The following MDN1 variants were observed in gnomAD, a reference collection of about 807,000 sequenced individuals.
MDN1 encodes the protein midasin.
Under a neutral mutation model 669.2 loss-of-function variants are expected in MDN1, and 266 were observed. The observed-to-expected ratio is 0.40, with a 90% confidence interval of 0.36 to 0.44. The LOEUF is 0.44. Ranked by LOEUF, MDN1 falls within the 20% of genes least tolerant of loss-of-function variation. The pLI is 1.00. For missense variants in MDN1, 5,940 were observed against 6,754.0 expected, an observed-to-expected ratio of 0.88 and a Z score of 4.22; for synonymous variants, 2,385 against 2,457.1, an observed-to-expected ratio of 0.97 and a Z score of 0.87.
At chr6:89,734,675 A>G (rs1011908724) in intron 33 of MDN1, among the ~76,000 whole-genome samples, 7 of 108,604 alleles carry the variant, frequency 6.4e-5, no homozygotes, top group African/African-American at 1.4e-4. Flanking sequence ...AAGAAGAAAA[A>G]AAAAAAAAAA....
In MDN1 at chr6:89,714,381, C is replaced by T. The variant is rs533643741; in HGVS notation, c.7069+162G>A. On this transcript the variant is annotated intron_variant, in intron 46 of 101. Transcript: ENST00000369393. ...CTGTGCCTTGCCCTGCCCTGCTGAA[C>T]CCAATCTCTTGGGGTGTCTGGAAAT... Among the ~76,000 whole-genome samples the T allele has an allele frequency of 2.0e-5, 3 of 152,340 alleles. No homozygotes were observed. In the East Asian group the frequency reaches 5.8e-4, roughly 29 times the overall value.
intron 2 of MDN1, among the ~76,000 whole-genome samples, chr6:89,802,125 T>C (rs1767705710): frequency 6.6e-6 from 1 of 152,200 alleles, no homozygotes. Context: ...AGAACTTTGA[T>C]ACCTAACTGA....
chr6:89,675,325 C>T, intron 78 of MDN1, 139 bp downstream of exon 78: 1 of 687,108 alleles, frequency 1.5e-6, no homozygotes, highest in Middle Eastern at 2.4e-4. Flanking sequence ...GGGAGAAACC[C>T]TACCTGCCTC....
chr6:89,647,966 T>C (rs1442892512), intron 99 of MDN1, 66 bp downstream of exon 99: 2 of 1,221,974 alleles, frequency 1.6e-6, no homozygotes, highest in African/African-American at 3.0e-5. Context: ...AATAAAAATG[T>C]TCTCCCTCCA....
In MDN1 at chr6:89,725,342, G is replaced by A. The variant is rs1165264509; in HGVS notation, c.5527C>T (p.Arg1843Ter). The change falls in exon 38 of 102, where the codon CGA becomes TGA. Residue 1843 changes from arginine (R) to a stop codon, truncating the protein, a stop_gained. Transcript: ENST00000369393. LOFTEE classifies it high-confidence loss of function. ...AACTCAGGCACATAGATTTCTCCTC[G>A]GTGGTCAAAACAAGCATTGAGTCCT... is the stretch of plus-strand genomic sequence containing the variant. ...LEGLNACFDHRGEIYVPELGM... is the reference protein window; with the variant it reads ...LEGLNACFDH The A allele has an allele frequency of 3.7e-6, 6 of 1,613,756 alleles. No homozygotes were observed. The highest frequency in any genetic ancestry group is 3.4e-6 in the Non-Finnish European group (4 of 1,179,936).
intron 75 of MDN1, among the ~76,000 whole-genome samples, chr6:89,678,187 G>A (rs943814785): frequency 6.6e-6 from 1 of 152,038 alleles, no homozygotes; most frequent in African/African-American, 2.4e-5. Flanking sequence ...CAGGAGAATC[G>A]CTTGAACCCA....
chr6:89,736,742 C>G (rs1472220640), intron 33 of MDN1, among the ~76,000 whole-genome samples: 1 of 152,182 alleles, frequency 6.6e-6, no homozygotes, highest in African/African-American at 2.4e-5. Context: ...CGCTGTGAGC[C>G]GTGATTCCAC....
intron 1 of MDN1, among the ~76,000 whole-genome samples, chr6:89,816,084 T>C (rs1768805522): frequency 6.6e-6 from 1 of 152,198 alleles, no homozygotes; most frequent in Non-Finnish European, 1.5e-5. Context: ...AAAGACTAGA[T>C]AACACTGCTT....
chr6:89,693,588 C>T (rs1461051273), intron 62 of MDN1, among the ~76,000 whole-genome samples: 1 of 151,988 alleles, frequency 6.6e-6, no homozygotes. Context: ...GACTGCCAGA[C>T]AATATGACAC....
rs1809340279 is a variant in MDN1, at chr6:89,656,821, A to G, written c.15184-20T>C. On this transcript the variant is annotated intron_variant, in intron 90 of 101. Coordinates refer to ENST00000369393, the MANE Select transcript of MDN1 (RefSeq NM_014611.3). ...GTGTTCCTAGGAAATCCAAGCCACA[A>G]AAGAATGAGGTGAAAGAAGCTATTA... is the stretch of plus-strand genomic sequence containing the variant. 6.2e-7 allele frequency: 1 copy of G among 1,601,720 alleles called. No individual in the cohort carries two copies. The highest frequency in any genetic ancestry group is 1.1e-5 in the South Asian group (1 of 90,278).
At position 89,690,216 on chromosome 6, in the gene MDN1, G is replaced by A; in HGVS notation, c.10750-73C>T. On this transcript the variant is annotated intron_variant, in intron 64 of 101. Transcript: ENST00000369393. ...TTCTAATCAGACTAAAAGGAAGAAAGAAAAAAGCATAAGAATGACTGAAAA... is the reference window on the plus strand; with the variant it reads ...TTCTAATCAGACTAAAAGGAAGAAAAAAAAAAGCATAAGAATGACTGAAAA... The A allele has an allele frequency of 1.5e-5, 22 of 1,471,966 alleles. No individual in the cohort carries two copies. The Admixed American group carries it at 2.3e-4, about 15-fold the overall frequency. The allele number at this position is 1,471,966 out of a possible 1,614,324, so 91.2% of individuals were successfully genotyped here.
rs58439361 is a variant in MDN1, at chr6:89,809,784, T to TAAATAAAATAAAATAAAATAAAATA, written c.103-6255_103-6231dup. Among the ~76,000 whole-genome samples, 481 of 112,584 alleles carry TAAATAAAATAAAATAAAATAAAATA rather than the reference T, an allele frequency of 4.3e-3. 13 individuals carry two copies. The highest frequency in any genetic ancestry group is 0.015 in the East Asian group (55 of 3,734). 73.9% of individuals were successfully genotyped at this position (112,584 alleles called of 152,430 possible). A position where few individuals can be genotyped will look rare whatever the true frequency, so the allele number is the denominator to read the frequency against. ...GAGCAAGACTCCCTCTCAAAATAAA[T>TAAATAAAATAAAATAAAATAAAATA]AAATAAAATAAAATAAAATAAAATA... On this transcript the variant is annotated intron_variant, in intron 1 of 101. Transcript: ENST00000369393.
rs577694113 is a variant in MDN1, at chr6:89,771,150, T to C, written c.2144+411A>G. Among the ~76,000 whole-genome samples, 28 of 152,250 alleles carry C rather than the reference T, an allele frequency of 1.8e-4. No homozygotes were observed. The South Asian group carries it at 5.6e-3, about 30-fold the overall frequency. On this transcript the variant is annotated intron_variant, in intron 15 of 101. Coordinates refer to ENST00000369393, the MANE Select transcript of MDN1 (RefSeq NM_014611.3). ...CACCTTAAATCTTACTCAAGGGAGT[T>C]TACCCTTTTTCCTGCACAAACACAA...
At chr6:89,712,406 C>A in intron 48 of MDN1, 150 bp from the exon 49 acceptor site, 1 of 982,070 alleles carries the variant, frequency 1.0e-6, no homozygotes, top group East Asian at 2.5e-5. Context: ...TAAAACATAC[C>A]TAATAAATAA....
intron 66 of MDN1, 128 bp downstream of exon 66, chr6:89,688,445 C>T: frequency 2.5e-6 from 2 of 804,652 alleles, no homozygotes; most frequent in Non-Finnish European, 3.9e-6. Flanking sequence ...TCTCATTGAA[C>T]TGCAGTTCTT....
rs1819167264 is a variant in MDN1 at position 89,790,014 on chromosome 6, T to A, written c.1099-103A>T. The A allele has an allele frequency of 3.2e-6, 5 of 1,580,306 alleles. No homozygotes were observed. In the South Asian group the frequency reaches 5.7e-5, roughly 18 times the overall value. On this transcript the variant is annotated intron_variant, in intron 6 of 101. Coordinates refer to ENST00000369393, the MANE Select transcript of MDN1 (RefSeq NM_014611.3). ...TCTTCTATAGGTAGGTGTAAGTAAG[T>A]AGGCACTTGAGGTTTACATAGGTTG... is the stretch of plus-strand genomic sequence containing the variant.
chr6:89,754,322 G>A, intron 20 of MDN1, 92 bp from the exon 21 acceptor site: 3 of 1,281,498 alleles, frequency 2.3e-6, no homozygotes. Flanking sequence ...ACATTTTTTA[G>A]ATCAGAAATG....
Position 89,688,592 on chromosome 6 carries a change from T to A in MDN1, c.11240A>T (p.Glu3747Val), listed in dbSNP as rs764025804. ...CCCTACCTGTTCAAGCGCTGGGTGT[T>A]CTGGCCAGTCCTGTAGCAAGTGACT... ...AVSHLLQDWP[E>V]HPALEQLLVV... is the part of the protein sequence containing the mutation. Residue 3747 changes from glutamate to valine, a missense_variant, in exon 66 of 102, where the codon GAA (glutamate) becomes GTA (valine). By Grantham distance (121) the Glu-to-Val change is moderately radical (BLOSUM62 -2). Coordinates refer to ENST00000369393, the MANE Select transcript of MDN1 (RefSeq NM_014611.3). 1 of 1,614,076 alleles carries A rather than the reference T, an allele frequency of 6.2e-7. No individual in the cohort carries two copies. Among genetic ancestry groups the A allele is most frequent in the Admixed American group, 1.7e-5 (1 of 60,018 alleles).
intron 2 of MDN1, among the ~76,000 whole-genome samples, chr6:89,798,764 T>C (rs1819749203): frequency 6.6e-6 from 1 of 152,226 alleles, no homozygotes; most frequent in Non-Finnish European, 1.5e-5. Flanking sequence ...TGCATATCAA[T>C]GTACTTGTGT....
Sources: allele counts gnomAD v4.1 joint callset (sites outside exome capture counted in the v4.1 genomes callset), GRCh38; gene constraint gnomAD v4.1.1; transcripts MANE v1.5; gene names NCBI Gene and HGNC (gene_info 2026-07-23, HGNC 2026-07-21).